The following ZNF841 variants were observed in gnomAD, a reference collection of about 807,000 sequenced individuals.
ZNF841 encodes TCONS_00006091.
A neutral mutation model predicts 13.0 loss-of-function variants in ZNF841; 11 were observed. The ratio of observed to expected loss-of-function variants is 0.85; its 90% confidence interval spans 0.53 to 1.40. ZNF841 has a LOEUF of 1.40. Among genes scored for constraint, ZNF841 ranks in the 40% most tolerant of loss-of-function variants. The pLI, the probability that ZNF841 is intolerant of heterozygous loss-of-function variation, is 0.00. For synonymous variants in ZNF841, 369 were observed against 381.6 expected (o/e 0.97, Z 0.38); for missense variants, 1,068 against 1,139.5 (o/e 0.94, Z 0.90).
chr19:52,059,672 G>A (rs2087366225), downstream of ZNF841, among the ~76,000 whole-genome samples: 1 of 152,078 alleles, frequency 6.6e-6, no homozygotes, highest in African/African-American at 2.4e-5. Flanking sequence ...AAATTAGCCA[G>A]GCATGGTGGC....
intron 4 of ZNF841, among the ~76,000 whole-genome samples, chr19:52,083,233 A>G (rs955747088): frequency 1.3e-5 from 2 of 152,150 alleles, no homozygotes; most frequent in African/African-American, 4.8e-5. Context: ...TAGCTCCTCA[A>G]TGAAACATGA....
chr19:52,075,894 T>C, intron 6 of ZNF841, 150 bp downstream of exon 6: 2 of 1,131,996 alleles, frequency 1.8e-6, no homozygotes, highest in Non-Finnish European at 2.4e-6. Flanking sequence ...GTTATACGTG[T>C]CTGGAAAGCA....
intron 2 of ZNF841, among the ~76,000 whole-genome samples, chr19:52,092,406 A>G (rs1350190801): frequency 6.6e-6 from 1 of 152,166 alleles, no homozygotes; most frequent in Non-Finnish European, 1.5e-5. Context: ...CAAGATCACT[A>G]ATCATCAGAG....
intron 6 of ZNF841, among the ~76,000 whole-genome samples, chr19:52,073,242 A>G (rs2075865350): frequency 6.6e-6 from 1 of 152,204 alleles, no homozygotes; most frequent in African/African-American, 2.4e-5. Flanking sequence ...AGCTACAAAA[A>G]TTCTAGAAGA....
At chr19:52,064,331 C>A (rs1165976981), downstream of ZNF841, 1 of 116,834 alleles carries the variant, frequency 8.6e-6, no homozygotes, top group African/African-American at 3.1e-5. Context: ...CCCGCCTGGG[C>A]GACAGAGCGA....
chr19:52,076,110 C>A lies in ZNF841; in HGVS notation c.205G>T (p.Val69Leu). Residue 69 changes from valine (V) to leucine (L), a missense_variant, in exon 6 of 7, where the codon GTG becomes TTG. Physicochemically the swap from Val to Leu is conservative, Grantham distance 32 (BLOSUM62 1). Transcript: ENST00000594440. The stretch of plus-strand genomic sequence containing the variant: ...CTCGCTATTTTCACTTGGCTCACCA[C>A]AGTCCAGGGCTCTTTCCCTTGCTCC... ...MLEQGKEPWT[V>L]VSQVKIARNP... is the part of the protein sequence containing the mutation. 6.4e-7 allele frequency: 1 copy of A among 1,556,874 alleles called. No individual in the cohort carries two copies. The highest frequency in any genetic ancestry group is 1.4e-5 in the African/African-American group (1 of 73,316).
At position 52,066,595 on chromosome 19, in the gene ZNF841, A is replaced by G. The variant is rs775425028; in HGVS notation, c.1287T>C (p.Tyr429=). Residue 429 remains tyrosine, a synonymous_variant, in exon 7 of 7, where the codon TAT becomes TAC. Transcript: ENST00000594440. ...AGACCTTGCCACATACATCACATGT[A>G]TATGGTTTCTTTCCTGCATGGATTA... ...HHIIHAGKKP[Y]TCDVCGKVFY... 6.2e-7 allele frequency: 1 copy of G among 1,613,310 alleles called. No homozygotes were observed. Among genetic ancestry groups the G allele is most frequent in the Non-Finnish European group, 8.5e-7 (1 of 1,179,710 alleles).
At chr19:52,094,914 T>C (rs2088620282) in intron 1 of ZNF841, among the ~76,000 whole-genome samples, 1 of 152,204 alleles carries the variant, frequency 6.6e-6, no homozygotes, top group South Asian at 2.1e-4. Flanking sequence ...ATCCGTTCTC[T>C]TTCACTCTTG....
chr19:52,071,576 C>T (rs535609472), intron 6 of ZNF841, among the ~76,000 whole-genome samples: 17 of 152,140 alleles, frequency 1.1e-4, no homozygotes, highest in African/African-American at 3.9e-4. Flanking sequence ...ATCAAAAACA[C>T]AACATGGAAG....
chr19:52,067,341 C>T lies in ZNF841; in HGVS notation c.541G>A (p.Glu181Lys). The change falls in exon 7 of 7, where the codon GAA becomes AAA. Residue 181 changes from glutamate to lysine, a missense_variant. Physicochemically the swap from Glu to Lys is moderately conservative, Grantham distance 56 (BLOSUM62 1). Transcript: ENST00000594440. The stretch of plus-strand genomic sequence containing the variant: ...TGAAACCTTAATATAAGCTGATTTT[C>T]CATATGCTTGTTTTCTACGTCCCCT... ...SQGDVENKHMENQLILRFQSG... is the reference protein window; with the variant it reads ...SQGDVENKHMKNQLILRFQSG... 1 of 1,550,614 alleles carries T rather than the reference C, an allele frequency of 6.4e-7. No individual in the cohort carries two copies.
At position 52,075,995 on chromosome 19, in the gene ZNF841, G is replaced by A. The variant is rs565543298; in HGVS notation, c.271+49C>T. 85 of 1,546,096 alleles carry A rather than the reference G, an allele frequency of 5.5e-5. No individual in the cohort carries two copies. In the Middle Eastern group the frequency reaches 5.5e-4, roughly 10 times the overall value. On this transcript the variant is annotated intron_variant, in intron 6 of 6. Transcript: ENST00000594440. The stretch of plus-strand genomic sequence containing the variant: ...AACTCTCCCACTTGCAGAGTCTTAC[G>A]CACACAATTTCATGGTACCGCTTCC...
At position 52,067,372 on chromosome 19, in the gene ZNF841, A is replaced by T; in HGVS notation, c.510T>A (p.His170Gln). 1 of 1,548,672 alleles carries T rather than the reference A, an allele frequency of 6.5e-7. No homozygotes were observed. The highest frequency in any genetic ancestry group is 1.4e-5 in the African/African-American group (1 of 72,934). ...GCTTGTTTTCTACGTCCCCTTGACT[A>T]TGTCGAACTCTTTGACCAGTAAGAT... ...KNNLTGQRVRHSQGDVENKHM... is the reference protein window; with the variant it reads ...KNNLTGQRVRQSQGDVENKHM... The change falls in exon 7 of 7, where the codon CAT becomes CAA. Residue 170 changes from histidine to glutamine, a missense_variant. His to Gln is a conservative substitution (Grantham distance 24). Coordinates refer to ENST00000594440, the MANE Select transcript of ZNF841 (RefSeq NM_001136499.2).
chr19:52,067,937 T>C (rs2087634779), intron 6 of ZNF841, among the ~76,000 whole-genome samples: 1 of 152,096 alleles, frequency 6.6e-6, no homozygotes, highest in South Asian at 2.1e-4. Context: ...GCAGTAAACA[T>C]ATGGCTCCCT....
intron 4 of ZNF841, among the ~76,000 whole-genome samples, chr19:52,080,444 G>A (rs1300805939): frequency 6.6e-6 from 1 of 152,154 alleles, no homozygotes; most frequent in African/African-American, 2.4e-5. Flanking sequence ...ATGCACTGGG[G>A]TAACAGAAAA....
At chr19:52,076,506 A>G (rs1301869190) in intron 5 of ZNF841, 1 of 299,792 alleles carries the variant, frequency 3.3e-6, no homozygotes, top group South Asian at 3.4e-5. Context: ...CTACCTGGGC[A>G]TGGTGTTGCA....
chr19:52,058,716 T>C, the ZNF841 span: 16 of 153,266 alleles, frequency 1.0e-4, no homozygotes, highest in East Asian at 3.1e-3. Context: ...TTTATAAGAC[T>C]ATAAAAATTG....
chr19:52,065,777 T>C lies in ZNF841; in HGVS notation c.2105A>G (p.Asn702Ser). The change falls in exon 7 of 7, where the codon AAT (asparagine) becomes AGT (serine). Residue 702 changes from asparagine to serine, a missense_variant. Physicochemically the swap from Asn to Ser is conservative, Grantham distance 46 (BLOSUM62 1). Coordinates refer to ENST00000594440, the MANE Select transcript of ZNF841 (RefSeq NM_001136499.2). ...QSSKLARYHR[N>S]PTGEKPHKCS... is the part of the protein sequence containing the mutation. The stretch of plus-strand genomic sequence containing the variant: ...TTTGTGTGGTTTCTCCCCAGTAGGA[T>C]TTCTGTGATATCTTGCAAGTTTTGA... The C allele has an allele frequency of 1.2e-6, 2 of 1,610,634 alleles. No individual in the cohort carries two copies. Among genetic ancestry groups the C allele is most frequent in the African/African-American group, 1.3e-5 (1 of 75,022 alleles).
At position 52,066,120 on chromosome 19, in the gene ZNF841, G is replaced by C; in HGVS notation, c.1762C>G (p.Gln588Glu). 1 of 1,614,040 alleles carries C rather than the reference G, an allele frequency of 6.2e-7. No individual in the cohort carries two copies. The change falls in exon 7 of 7, where the codon CAA (glutamine) becomes GAA (glutamate). Residue 588 changes from glutamine to glutamate, a missense_variant. Transcript: ENST00000594440. ...GGTTTCTCTCCGGTATGCATTCTTT[G>C]ATGACGTGCTAGGCATGAATAGTAA... ...FTYYSCLARH[Q>E]RMHTGEKPYK... is the part of the protein sequence containing the mutation.
At chr19:52,082,285 G>A (rs571283847) in intron 4 of ZNF841, among the ~76,000 whole-genome samples, 5 of 152,252 alleles carry the variant, frequency 3.3e-5, no homozygotes, top group Admixed American at 6.5e-5. Flanking sequence ...TTAATAAAAT[G>A]TGACTGTTGT....
Sources: gnomAD v4.1 joint callset for allele counts (sites outside exome capture counted in the v4.1 genomes callset) on GRCh38, gnomAD v4.1.1 for gene constraint, MANE v1.5 for transcripts, NCBI Gene and HGNC (gene_info 2026-07-23, HGNC 2026-07-21) for gene names.